The following P2RY12 variants were observed in gnomAD, a reference collection of about 807,000 sequenced individuals.
P2RY12 encodes P2Y purinoceptor 12.
Under a neutral mutation model 4.5 loss-of-function variants are expected in P2RY12, and 3 were observed. That is an observed-to-expected ratio of 0.67 (90% CI 0.31 to 1.74). P2RY12 has a LOEUF of 1.74. Among genes scored for constraint, P2RY12 ranks in the 40% most tolerant of loss-of-function variants. The pLI is 0.09. For synonymous variants in P2RY12, 148 were observed against 154.1 expected (o/e 0.96, Z 0.29); for missense variants, 356 against 407.8 (o/e 0.87, Z 1.09).
At chr3:151,369,572 C>A in intron 1 of P2RY12, 2 of 1,474,230 alleles carry the variant, frequency 1.4e-6, no homozygotes, top group Non-Finnish European at 1.9e-6. Context: ...TGACCCTAAG[C>A]TTCTTGGTTA....
At chr3:151,340,525 T>C (rs1029808724) in intron 2 of P2RY12, 71 bp downstream of exon 2, 8 of 152,614 alleles carry the variant, frequency 5.2e-5, no homozygotes, top group African/African-American at 1.9e-4. Flanking sequence ...AAGAGAAACT[T>C]GGAAAAAATG....
intron 1 of P2RY12, among the ~76,000 whole-genome samples, chr3:151,351,745 G>A (rs1445621874): frequency 6.6e-6 from 1 of 152,128 alleles, no homozygotes; most frequent in Non-Finnish European, 1.5e-5. Flanking sequence ...TATTTTTAGA[G>A]GGTCTTTCCA....
intron 1 of P2RY12, among the ~76,000 whole-genome samples, chr3:151,352,905 A>T (rs752200765): frequency 8.5e-5 from 13 of 152,230 alleles, no homozygotes; most frequent in Non-Finnish European, 1.5e-4. Context: ...ATAATATGTT[A>T]TAAAAGCAAA....
chr3:151,351,753 C>A (rs1010475658), intron 1 of P2RY12, among the ~76,000 whole-genome samples: 1 of 152,086 alleles, frequency 6.6e-6, no homozygotes, highest in Non-Finnish European at 1.5e-5. Flanking sequence ...GAGGGTCTTT[C>A]CAGAGCCTAT....
chr3:151,350,071 A>G (rs1753029414), intron 1 of P2RY12: 1 of 1,610,234 alleles, frequency 6.2e-7, no homozygotes, highest in African/African-American at 1.3e-5. Flanking sequence ...TGAATCTTCA[A>G]GTCATGAATG....
intron 1 of P2RY12, chr3:151,355,041 C>A (rs1753738049): frequency 9.8e-7 from 1 of 1,018,318 alleles, no homozygotes; most frequent in South Asian, 1.3e-5. Context: ...GTATGCTATA[C>A]TTTAAAAAAA....
At chr3:151,349,417 C>T (rs928058196) in intron 1 of P2RY12, among the ~76,000 whole-genome samples, 1 of 152,140 alleles carries the variant, frequency 6.6e-6, no homozygotes, top group African/African-American at 2.4e-5. Flanking sequence ...AATAAATATA[C>T]ATGTATCTCA....
At chr3:151,369,009 C>T (rs1297969713) in intron 1 of P2RY12, among the ~76,000 whole-genome samples, 1 of 152,072 alleles carries the variant, frequency 6.6e-6, no homozygotes, top group East Asian at 1.9e-4. Flanking sequence ...GATCCACCTG[C>T]CTCGGCCTCC....
chr3:151,383,397 T>C (rs1712754040), intron 1 of P2RY12, among the ~76,000 whole-genome samples: 1 of 152,250 alleles, frequency 6.6e-6, no homozygotes, highest in Admixed American at 6.5e-5. Flanking sequence ...GATTCAATAG[T>C]AATTGTACAG....
chr3:151,338,836 C>T lies in P2RY12; in HGVS notation c.10G>A (p.Val4Ile), dbSNP rs376034077. The change falls in exon 3 of 3, where the codon GTC (valine) becomes ATC (isoleucine). Residue 4 changes from valine to isoleucine, a missense_variant. Coordinates refer to ENST00000302632, the MANE Select transcript of P2RY12 (RefSeq NM_022788.5). ...CCAGGCGCAGAGGTGAGGTTGTCGA[C>T]GGCTTGCATTTCTTGTTGGTTACCT... MQA[V>I]DNLTSAPGNT... 21 of 1,613,390 alleles carry T rather than the reference C, an allele frequency of 1.3e-5. No individual in the cohort carries two copies. In the African/African-American group the frequency reaches 1.5e-4, roughly 11 times the overall value.
intron 1 of P2RY12, among the ~76,000 whole-genome samples, chr3:151,369,055 C>G (rs1362663036): frequency 1.3e-5 from 2 of 152,118 alleles, no homozygotes; most frequent in Non-Finnish European, 2.9e-5. Flanking sequence ...GCCACCGCAC[C>G]CATCCCTCAT....
chr3:151,357,004 A>C (rs1754012239), intron 1 of P2RY12, among the ~76,000 whole-genome samples: 1 of 152,174 alleles, frequency 6.6e-6, no homozygotes, highest in African/African-American at 2.4e-5. Flanking sequence ...TTATTTCAGC[A>C]CTGGGTACTT....
rs1424153109 is a variant in P2RY12 at position 151,384,572 on chromosome 3, TA to T, written c.-180+119del. The T allele has an allele frequency of 4.1e-5, 8 of 195,624 alleles. No homozygotes were observed. In the East Asian group the frequency reaches 1.1e-3, roughly 26 times the overall value. 12.1% of individuals were successfully genotyped at this position (195,624 alleles called of 1,614,324 possible). On this transcript the variant is annotated intron_variant, in intron 1 of 2. Transcript: ENST00000302632. ...AAATAGCCATCTGCATTGAAATTTA[TA>T]AATCGATTCATTTGACCGACCACTA...
chr3:151,378,266 G>T, intron 1 of P2RY12: 1 of 1,255,966 alleles, frequency 8.0e-7, no homozygotes, highest in South Asian at 2.1e-5. Context: ...TGTACCCACA[G>T]TCCACTGAAA....
chr3:151,380,341 AATC>A (rs1712035688), intron 1 of P2RY12: 1 of 660,336 alleles, frequency 1.5e-6, no homozygotes, highest in Admixed American at 3.5e-5. Context: ...TCATGCCTGT[AATC>A]CCAGCACTTT....
chr3:151,383,101 C>T (rs926748675), intron 1 of P2RY12, among the ~76,000 whole-genome samples: 2 of 152,238 alleles, frequency 1.3e-5, no homozygotes, highest in Non-Finnish European at 2.9e-5. Context: ...AGTCTTTTAA[C>T]TCAAAGTTTT....
At chr3:151,371,591 T>G (rs918099971) in intron 1 of P2RY12, among the ~76,000 whole-genome samples, 1 of 152,206 alleles carries the variant, frequency 6.6e-6, no homozygotes, top group Admixed American at 6.5e-5. Context: ...TTTTCTTGGT[T>G]GACTTGTGGG....
intron 1 of P2RY12, chr3:151,376,958 C>T: frequency 1.2e-6 from 2 of 1,609,328 alleles, no homozygotes; most frequent in South Asian, 1.1e-5. Flanking sequence ...AAGGAATACA[C>T]ATATGTGCCA....
At chr3:151,384,474 A>C (rs1029806490) in intron 1 of P2RY12, among the ~76,000 whole-genome samples, 2 of 152,238 alleles carry the variant, frequency 1.3e-5, no homozygotes, top group African/African-American at 4.8e-5. Context: ...CCACTGTTAA[A>C]TATATAACCA....
Sources: gnomAD v4.1 joint callset for allele counts (sites outside exome capture counted in the v4.1 genomes callset) on GRCh38, gnomAD v4.1.1 for gene constraint, MANE v1.5 for transcripts, NCBI Gene and HGNC (gene_info 2026-07-23, HGNC 2026-07-21) for gene names.